The following STK3 variants were observed in gnomAD, a reference collection of about 807,000 sequenced individuals.
STK3 encodes serine/threonine-protein kinase 3.
STK3 carries 41 observed loss-of-function variants against 58.0 expected under a neutral mutation model. The ratio of observed to expected loss-of-function variants is 0.71; its 90% CI spans 0.55 to 0.92. The LOEUF is 0.92. Ranked by LOEUF, STK3 falls within the 40% of genes least tolerant of loss-of-function variation. STK3 has a pLI of 0.00. For missense variants in STK3, 479 were observed against 602.7 expected (o/e 0.79, Z 2.15); for synonymous variants, 170 against 191.0 (o/e 0.89, Z 0.91).
At chr8:98,399,038 A>G (rs1817920850), downstream of STK3, among the ~76,000 whole-genome samples, 1 of 152,232 alleles carries the variant, frequency 6.6e-6, no homozygotes, top group Non-Finnish European at 1.5e-5. Context: ...ACTGCATGTA[A>G]TCCAGACCTC....
At chr8:98,720,652 G>A (rs1827334215) in intron 4 of STK3, among the ~76,000 whole-genome samples, 1 of 151,286 alleles carries the variant, frequency 6.6e-6, no homozygotes. Context: ...TCGGGAGGCT[G>A]AGGCAGGAGA....
At chr8:98,849,764 C>A (rs1836371400) in intron 3 of STK3, among the ~76,000 whole-genome samples, 1 of 152,042 alleles carries the variant, frequency 6.6e-6, no homozygotes, top group Admixed American at 6.6e-5. Flanking sequence ...TGCTAACTGG[C>A]CCTCCTTGGA....
At chr8:98,822,029 C>CAT (rs757620395) in intron 1 of STK3, among the ~76,000 whole-genome samples, 17 of 151,894 alleles carry the variant, frequency 1.1e-4, no homozygotes, top group East Asian at 1.9e-4. Context: ...TACATACATA[C>CAT]ATATATATAT....
chr8:98,907,986 T>C (rs932921432), intron 1 of STK3, among the ~76,000 whole-genome samples: 1 of 152,230 alleles, frequency 6.6e-6, no homozygotes, highest in African/African-American at 2.4e-5. Flanking sequence ...TGTATCATGT[T>C]CCTCTACTCC....
intron 9 of STK3, among the ~76,000 whole-genome samples, chr8:98,538,764 A>G (rs1356208672): frequency 6.6e-6 from 1 of 152,194 alleles, no homozygotes; most frequent in Non-Finnish European, 1.5e-5. Flanking sequence ...GAGGTATCCT[A>G]CAACCAAAAT....
At chr8:98,527,268 CTT>C (rs1304722380) in intron 9 of STK3, among the ~76,000 whole-genome samples, 1 of 151,998 alleles carries the variant, frequency 6.6e-6, no homozygotes, top group African/African-American at 2.4e-5. Flanking sequence ...TTTTGGTGGG[CTT>C]TTTTTCTTTG....
At chr8:98,749,749 A>G (rs141057384) in intron 3 of STK3, among the ~76,000 whole-genome samples, 106 of 152,274 alleles carry the variant, frequency 7.0e-4, no homozygotes, top group African/African-American at 2.2e-3. Context: ...TTTTGCATTC[A>G]GTCAAATATT....
chr8:98,835,786 A>G (rs1361240082), intron 3 of STK3, among the ~76,000 whole-genome samples: 2 of 152,194 alleles, frequency 1.3e-5, no homozygotes, highest in African/African-American at 2.4e-5. Flanking sequence ...CTGGATCTCA[A>G]TCCTGGGGGG....
At chr8:98,830,727 T>C (rs1052669139) in intron 3 of STK3, among the ~76,000 whole-genome samples, 1 of 151,982 alleles carries the variant, frequency 6.6e-6, no homozygotes, top group Non-Finnish European at 1.5e-5. Flanking sequence ...TCCCAGCACC[T>C]TGGGAGGCCG....
intron 6 of STK3, among the ~76,000 whole-genome samples, chr8:98,681,084 C>T (rs1207609216): frequency 4.0e-5 from 6 of 151,642 alleles, no homozygotes; most frequent in East Asian, 1.9e-4. Context: ...CTGCAACCTC[C>T]GCCTTCTGGG....
At chr8:98,923,868 C>T (rs1026452870) in intron 1 of STK3, among the ~76,000 whole-genome samples, 9 of 133,986 alleles carry the variant, frequency 6.7e-5, no homozygotes, top group East Asian at 2.1e-4. Flanking sequence ...CGCGCGCGCG[C>T]GCGCGCGCGT....
At chr8:98,603,981 G>C (rs566260967) in intron 6 of STK3, among the ~76,000 whole-genome samples, 45 of 152,284 alleles carry the variant, frequency 3.0e-4, no homozygotes, top group South Asian at 1.7e-3. Flanking sequence ...TATCTAGGCA[G>C]GCCAAATGTA....
intron 8 of STK3, 71 bp from the exon 9 acceptor site, chr8:98,548,232 A>G (rs907369324): frequency 8.3e-7 from 1 of 1,208,762 alleles, no homozygotes. Flanking sequence ...TTAACAAGAG[A>G]ATGAATATAT....
upstream of STK3, among the ~76,000 whole-genome samples, chr8:98,392,459 C>T (rs1243970329): frequency 6.6e-6 from 1 of 152,174 alleles, no homozygotes; most frequent in Non-Finnish European, 1.5e-5. Context: ...CCCCTCCCAC[C>T]GAAACCGAGA....
chr8:98,917,398 G>A (rs1039028684), intron 1 of STK3, among the ~76,000 whole-genome samples: 2 of 152,280 alleles, frequency 1.3e-5, no homozygotes, highest in Admixed American at 6.5e-5. Flanking sequence ...CCAGAGGTGG[G>A]CTTCTCATCT....
rs551130881 is a variant in STK3, at chr8:98,448,659, A to G, written n.186-11451T>C. ...TTCTATAAAAATTTAAAAGACAACT[A>G]GTTGCTTGGTTTAAACATAGGCAGG... On this transcript the variant is annotated intron_variant and non_coding_transcript_variant, in intron 1 of 3. Coordinates refer to the STK3 transcript ENST00000517832. Among the ~76,000 whole-genome samples the G allele has an allele frequency of 9.8e-4, 149 of 152,292 alleles. 1 individual carries two copies. Among genetic ancestry groups the G allele is most frequent in the African/African-American group, 3.5e-3 (146 of 41,560 alleles).
intron 6 of STK3, among the ~76,000 whole-genome samples, chr8:98,685,000 G>T (rs1823889231): frequency 6.6e-6 from 1 of 151,978 alleles, no homozygotes; most frequent in Admixed American, 6.6e-5. Context: ...TGTGCATAAT[G>T]GATCACACTG....
At chr8:98,356,037 A>C in the STK3 span, among the ~76,000 whole-genome samples, 3 of 152,346 alleles carry the variant, frequency 2.0e-5, no homozygotes, top group East Asian at 5.8e-4. Flanking sequence ...TATAAGCAGA[A>C]AGATGTCACT....
intron 3 of STK3, among the ~76,000 whole-genome samples, chr8:98,858,317 TATATATAGAGAG>T (rs1365129425): frequency 2.2e-4 from 11 of 49,284 alleles, no homozygotes; most frequent in Non-Finnish European, 3.8e-4. Flanking sequence ...TATATATATA[TATATATAGAGAG>T]AGAGAGAGAG....
Sources: allele counts gnomAD v4.1 joint callset (sites outside exome capture counted in the v4.1 genomes callset), GRCh38; gene constraint gnomAD v4.1.1; transcripts MANE v1.5; gene names NCBI Gene and HGNC (gene_info 2026-07-23, HGNC 2026-07-21).